HECW1: variants seen among roughly 807,000 people sequenced by gnomAD.
HECW1 encodes HECT, C2 and WW domain containing E3 ubiquitin protein ligase 1.
Under a neutral mutation model 182.3 loss-of-function variants are expected in HECW1, and 61 were observed. The observed-to-expected ratio is 0.33, with a 90% CI of 0.27 to 0.41. The LOEUF is 0.41. Among genes scored for constraint, HECW1 ranks in the 10% least tolerant of loss-of-function variants. The pLI is 1.00. For synonymous variants in HECW1, 859 were observed against 832.6 expected (o/e 1.03, Z -0.55); for missense variants, 1,739 against 2,108.9 (o/e 0.82, Z 3.44).
chr7:43,113,255 C>T (rs1427572974), intron 1 of HECW1, among the ~76,000 whole-genome samples: 1 of 152,202 alleles, frequency 6.6e-6, no homozygotes, highest in Non-Finnish European at 1.5e-5. Context: ...CCCCTCAGCG[C>T]CCTCCCAGTG....
At chr7:43,561,689 TG>T in intron 29 of HECW1, 125 bp from the exon 30 acceptor site, 1 of 637,538 alleles carries the variant, frequency 1.6e-6, no homozygotes, top group Non-Finnish European at 2.8e-6. Context: ...TGTTTTATGG[TG>T]GTCCTAAATC....
intron 8 of HECW1, among the ~76,000 whole-genome samples, chr7:43,416,060 C>G (rs2075983658): frequency 6.6e-6 from 1 of 151,782 alleles, no homozygotes; most frequent in African/African-American, 2.4e-5. Context: ...AGCTTTGTTC[C>G]GTTGCTGGTG....
intron 28 of HECW1, among the ~76,000 whole-genome samples, chr7:43,553,663 T>A (rs913270097): frequency 8.1e-6 from 1 of 123,026 alleles, no homozygotes; most frequent in African/African-American, 3.0e-5. Context: ...AGCGAGATTC[T>A]GTCTCAAAAA....
At chr7:43,178,599 C>G (rs1185569754) in intron 2 of HECW1, among the ~76,000 whole-genome samples, 1 of 152,214 alleles carries the variant, frequency 6.6e-6, no homozygotes, top group Non-Finnish European at 1.5e-5. Context: ...TTATTAGGCA[C>G]TGGTCACTGT....
intron 5 of HECW1, among the ~76,000 whole-genome samples, chr7:43,332,112 GA>G (rs1164058419): frequency 3.3e-5 from 5 of 152,106 alleles, no homozygotes; most frequent in African/African-American, 9.7e-5. Context: ...TTCCTAACAA[GA>G]AGAGAAATAA....
At chr7:43,222,896 C>G (rs1002336542) in intron 2 of HECW1, among the ~76,000 whole-genome samples, 7 of 152,316 alleles carry the variant, frequency 4.6e-5, no homozygotes, top group African/African-American at 1.7e-4. Context: ...CCTATTTCAC[C>G]TGTGCATTGG....
intron 2 of HECW1, among the ~76,000 whole-genome samples, chr7:43,168,167 A>G (rs564216278): frequency 4.6e-5 from 7 of 152,316 alleles, no homozygotes; most frequent in East Asian, 3.8e-4. Context: ...GATGTCCCCA[A>G]TATCTTGCAC....
At chr7:43,488,522 G>GAAAGAA (rs2078808362) in intron 17 of HECW1, among the ~76,000 whole-genome samples, 1 of 150,834 alleles carries the variant, frequency 6.6e-6, no homozygotes, top group Non-Finnish European at 1.5e-5. Context: ...GAAAGAAAAA[G>GAAAGAA]AAAGAAAGCC....
chr7:43,247,971 AAGGAAAG>A (rs1799592910), intron 3 of HECW1, among the ~76,000 whole-genome samples: 1 of 128,478 alleles, frequency 7.8e-6, no homozygotes, highest in African/African-American at 3.3e-5. Flanking sequence ...GAAAAAGAGA[AAGGAAAG>A]AAGGAAGGAA....
chr7:43,354,889 A>G (rs1814908038), intron 5 of HECW1, among the ~76,000 whole-genome samples: 1 of 152,198 alleles, frequency 6.6e-6, no homozygotes, highest in African/African-American at 2.4e-5. Flanking sequence ...AAGGTCAAGG[A>G]CAAAGATGGC....
intron 8 of HECW1, among the ~76,000 whole-genome samples, chr7:43,428,743 G>A (rs2076438437): frequency 6.6e-6 from 1 of 152,084 alleles, no homozygotes; most frequent in South Asian, 2.1e-4. Flanking sequence ...CTGTGTTCTG[G>A]GCACTCTAAA....
At chr7:43,330,287 A>G (rs1471543481) in intron 5 of HECW1, among the ~76,000 whole-genome samples, 1 of 152,224 alleles carries the variant, frequency 6.6e-6, no homozygotes, top group African/African-American at 2.4e-5. Context: ...AGCCCTGGCT[A>G]GCTGTGTTCG....
chr7:43,492,780 G>A (rs369700215), intron 18 of HECW1, among the ~76,000 whole-genome samples: 3 of 152,156 alleles, frequency 2.0e-5, no homozygotes, highest in African/African-American at 7.2e-5. Flanking sequence ...TCCTCTTATG[G>A]GAGAGCTATT....
At chr7:43,427,060 G>A (rs1272260570) in intron 8 of HECW1, among the ~76,000 whole-genome samples, 1 of 151,896 alleles carries the variant, frequency 6.6e-6, no homozygotes, top group African/African-American at 2.4e-5. Context: ...GTTTATGGTT[G>A]CTAAGCTCTC....
At chr7:43,395,711 T>TG (rs1167157956) in intron 6 of HECW1, among the ~76,000 whole-genome samples, 4 of 152,152 alleles carry the variant, frequency 2.6e-5, no homozygotes, top group Non-Finnish European at 5.9e-5. Context: ...GCAGCCAAGC[T>TG]CACAGGCTCA....
intron 6 of HECW1, among the ~76,000 whole-genome samples, chr7:43,370,452 C>T (rs1206413768): frequency 1.3e-5 from 2 of 152,188 alleles, no homozygotes; most frequent in Non-Finnish European, 2.9e-5. Flanking sequence ...TTGTTACTTA[C>T]AAAACTAAAC....
chr7:43,218,627 G>C (rs779276273), intron 2 of HECW1, among the ~76,000 whole-genome samples: 5 of 152,136 alleles, frequency 3.3e-5, no homozygotes, highest in Non-Finnish European at 7.3e-5. Context: ...TATACCTAGG[G>C]TGTTTTACTC....
intron 4 of HECW1, among the ~76,000 whole-genome samples, chr7:43,313,927 C>T (rs954398222): frequency 4.6e-5 from 7 of 152,168 alleles, no homozygotes; most frequent in East Asian, 1.9e-4. Context: ...GTTTAGGCTC[C>T]GAATCTAGGG....
At chr7:43,485,327 T>C (rs942081864) in intron 17 of HECW1, among the ~76,000 whole-genome samples, 6 of 152,220 alleles carry the variant, frequency 3.9e-5, no homozygotes, top group African/African-American at 7.2e-5. Flanking sequence ...CTTCTTAAAA[T>C]TGGTCATTTT....
Sources: gnomAD v4.1 joint callset for allele counts (sites outside exome capture counted in the v4.1 genomes callset) on GRCh38, gnomAD v4.1.1 for gene constraint, MANE v1.5 for transcripts, NCBI Gene and HGNC (gene_info 2026-07-23, HGNC 2026-07-21) for gene names.